CTNNA2: variants seen among roughly 807,000 people sequenced by gnomAD.
CTNNA2 encodes the protein catenin alpha-2.
Under a neutral mutation model 101.0 loss-of-function variants are expected in CTNNA2, and 42 were observed. That is an observed-to-expected ratio of 0.42 (90% CI 0.32 to 0.54). The LOEUF (loss-of-function observed/expected upper bound fraction) is 0.54. CTNNA2 is among the 20% of genes least tolerant of loss of function. The probability of loss-of-function intolerance (pLI) is 0.14; values close to 1 mark genes in which losing one functional copy is unlikely to be tolerated. For missense variants in CTNNA2, 871 were observed against 1,223.1 expected (o/e 0.71, Z 4.29); for synonymous variants, 450 against 456.4 (o/e 0.99, Z 0.18).
chr2:79,797,232 A>G (rs534766932), intron 3 of CTNNA2, among the ~76,000 whole-genome samples: 1 of 152,134 alleles, frequency 6.6e-6, no homozygotes, highest in Admixed American at 6.5e-5. Context: ...AGTCAGGTGG[A>G]AGGTGGGTAG....
intron 7 of CTNNA2, among the ~76,000 whole-genome samples, chr2:80,165,825 C>T (rs999875941): frequency 2.6e-5 from 4 of 152,108 alleles, no homozygotes; most frequent in Admixed American, 2.0e-4. Flanking sequence ...ACAGTCTTGG[C>T]GTTCTACTTG....
At chr2:80,041,971 G>A (rs1696092679) in intron 7 of CTNNA2, among the ~76,000 whole-genome samples, 1 of 152,074 alleles carries the variant, frequency 6.6e-6, no homozygotes, top group South Asian at 2.1e-4. Flanking sequence ...TGTTGGTTTT[G>A]TTTTGTTTTT....
chr2:80,182,491 C>T (rs1171261864), intron 7 of CTNNA2, among the ~76,000 whole-genome samples: 6 of 152,170 alleles, frequency 3.9e-5, no homozygotes, highest in Non-Finnish European at 1.5e-5. Flanking sequence ...CTCCTTCAAT[C>T]CAATCAAGTT....
intron 7 of CTNNA2, among the ~76,000 whole-genome samples, chr2:80,107,060 G>T (rs1294934449): frequency 1.3e-5 from 2 of 152,036 alleles, no homozygotes; most frequent in Non-Finnish European, 1.5e-5. Context: ...ACTCCCAACA[G>T]TGCCCTGTTG....
intron 7 of CTNNA2, among the ~76,000 whole-genome samples, chr2:80,248,282 G>A (rs370610034): frequency 6.6e-6 from 1 of 152,114 alleles, no homozygotes; most frequent in East Asian, 1.9e-4. Context: ...TCTGAAGTGC[G>A]GTCCCTCTCC....
intron 7 of CTNNA2, among the ~76,000 whole-genome samples, chr2:80,142,187 C>T (rs1008531788): frequency 6.6e-6 from 1 of 152,152 alleles, no homozygotes; most frequent in Non-Finnish European, 1.5e-5. Context: ...TAGGTCAAAC[C>T]AATGCCTATC....
At chr2:80,036,157 G>A (rs1411601520) in intron 7 of CTNNA2, among the ~76,000 whole-genome samples, 1 of 152,156 alleles carries the variant, frequency 6.6e-6, no homozygotes, top group Non-Finnish European at 1.5e-5. Flanking sequence ...CTAGAGACTG[G>A]AGCATGTCAG....
intron 2 of CTNNA2, among the ~76,000 whole-genome samples, chr2:79,710,685 C>A (rs1044566314): frequency 2.6e-5 from 4 of 152,114 alleles, no homozygotes; most frequent in African/African-American, 9.6e-5. Flanking sequence ...GCTTTCAAAC[C>A]TGGTGTAAGA....
chr2:79,288,833 G>A (rs1020017177), intron 2 of CTNNA2, among the ~76,000 whole-genome samples: 14 of 152,202 alleles, frequency 9.2e-5, no homozygotes, highest in Non-Finnish European at 1.6e-4. Flanking sequence ...CTGACTTTCA[G>A]TGGGGGAACT....
chr2:79,433,932 A>G (rs1678683390), intron 4 of CTNNA2, among the ~76,000 whole-genome samples: 2 of 152,334 alleles, frequency 1.3e-5, no homozygotes, highest in African/African-American at 4.8e-5. Context: ...GAAGCCAAGC[A>G]ATAGAATAAA....
intron 7 of CTNNA2, among the ~76,000 whole-genome samples, chr2:80,134,822 T>G (rs771113483): frequency 6.6e-6 from 1 of 152,192 alleles, no homozygotes; most frequent in African/African-American, 2.4e-5. Flanking sequence ...ATTAAGTAGA[T>G]TTTCCATTTG....
chr2:80,313,450 C>G (rs1677796900), intron 7 of CTNNA2: 1 of 1,501,774 alleles, frequency 6.7e-7, no homozygotes, highest in Non-Finnish European at 8.9e-7. Context: ...TGATGAGTAA[C>G]AAACCAATAT....
intron 9 of CTNNA2, among the ~76,000 whole-genome samples, chr2:80,443,264 C>T (rs55903924): frequency 0.097 from 14,698 of 152,172 alleles, 1,342 homozygotes; most frequent in East Asian, 0.46. Context: ...CTTAGGTAGG[C>T]CAGCTTTAGA....
intron 6 of CTNNA2, among the ~76,000 whole-genome samples, chr2:79,886,177 G>A (rs1683845820): frequency 6.6e-6 from 1 of 152,164 alleles, no homozygotes; most frequent in African/African-American, 2.4e-5. Context: ...TGAAATTGTG[G>A]AATAATTCTT....
At chr2:80,390,198 C>T (rs924291353) in intron 7 of CTNNA2, among the ~76,000 whole-genome samples, 2 of 152,184 alleles carry the variant, frequency 1.3e-5, no homozygotes, top group African/African-American at 4.8e-5. Flanking sequence ...TAAGGTCCAG[C>T]TAATTTTCTC....
intron 7 of CTNNA2, among the ~76,000 whole-genome samples, chr2:80,014,652 A>T (rs943788262): frequency 1.3e-5 from 2 of 152,148 alleles, no homozygotes; most frequent in Non-Finnish European, 1.5e-5. Flanking sequence ...TCAGCAATAC[A>T]CAGACACAAA....
chr2:80,066,437 A>G (rs1239852237), intron 7 of CTNNA2, among the ~76,000 whole-genome samples: 2 of 152,198 alleles, frequency 1.3e-5, no homozygotes, highest in Admixed American at 1.3e-4. Context: ...AAGGACTTGA[A>G]TAGACATTTC....
intron 1 of CTNNA2, among the ~76,000 whole-genome samples, chr2:79,559,023 C>A (rs1182907628): frequency 4.0e-5 from 6 of 151,624 alleles, no homozygotes; most frequent in African/African-American, 1.5e-4. Context: ...TTATTTTATC[C>A]TCGGTTTTCA....
chr2:80,228,210 G>A (rs1304874565), intron 7 of CTNNA2, among the ~76,000 whole-genome samples: 1 of 152,146 alleles, frequency 6.6e-6, no homozygotes, highest in Non-Finnish European at 1.5e-5. Context: ...CTTTGACCAG[G>A]CGATTTATAA....
Sources: gnomAD v4.1 joint callset for allele counts (sites outside exome capture counted in the v4.1 genomes callset) on GRCh38, gnomAD v4.1.1 for gene constraint, MANE v1.5 for transcripts, NCBI Gene and HGNC (gene_info 2026-07-23, HGNC 2026-07-21) for gene names.